TMEM232: variants seen among roughly 807,000 people sequenced by gnomAD.
The protein encoded by TMEM232 is transmembrane protein 232.
Under a neutral mutation model 78.8 loss-of-function variants are expected in TMEM232, and 80 were observed. The observed-to-expected ratio is 1.01, with a 90% confidence interval of 0.85 to 1.22. The LOEUF (loss-of-function observed/expected upper bound fraction) is 1.22. Ranked by LOEUF, TMEM232 falls within the 50% of genes most tolerant of loss-of-function variation. TMEM232 has a pLI of 0.00. For missense variants in TMEM232, 881 were observed against 742.2 expected, an observed-to-expected ratio of 1.19 and a Z score of -2.17; for synonymous variants, 297 against 254.3, an observed-to-expected ratio of 1.17 and a Z score of -1.60.
chr5:110,441,918 T>C (rs76329127), intron 12 of TMEM232, among the ~76,000 whole-genome samples: 5 of 152,180 alleles, frequency 3.3e-5, no homozygotes, highest in African/African-American at 1.2e-4. Context: ...GTTTTTTTTT[T>C]CCTTTAGCAC....
chr5:110,598,762 CA>C (rs1404142529), intron 10 of TMEM232, among the ~76,000 whole-genome samples: 2 of 146,510 alleles, frequency 1.4e-5, no homozygotes, highest in African/African-American at 5.1e-5. Context: ...ATCGCAAGGA[CA>C]AAAAACCAAA....
chr5:110,484,369 T>TA (rs1222027037), intron 12 of TMEM232, among the ~76,000 whole-genome samples: 2 of 151,416 alleles, frequency 1.3e-5, no homozygotes, highest in Non-Finnish European at 2.9e-5. Flanking sequence ...TTTAATGCAC[T>TA]AAAAAAATAC....
At chr5:110,496,397 C>T (rs1022127071) in intron 12 of TMEM232, among the ~76,000 whole-genome samples, 21 of 151,950 alleles carry the variant, frequency 1.4e-4, no homozygotes, top group Admixed American at 6.6e-4. Flanking sequence ...ATTAGAATAA[C>T]GTAATTTTCA....
intron 2 of TMEM232, among the ~76,000 whole-genome samples, chr5:110,652,530 G>A (rs1788480599): frequency 6.6e-6 from 1 of 152,000 alleles, no homozygotes; most frequent in Non-Finnish European, 1.5e-5. Flanking sequence ...TTTCAATATG[G>A]ATTATGGCTT....
chr5:110,569,738 C>T (rs78706991), intron 10 of TMEM232, among the ~76,000 whole-genome samples: 7,801 of 151,750 alleles, frequency 0.051, 447 homozygotes, highest in East Asian at 0.26. Context: ...ATAGCTAGTA[C>T]CGGAGGGGGT....
At chr5:110,469,699 A>G (rs922362059) in intron 12 of TMEM232, among the ~76,000 whole-genome samples, 1 of 152,172 alleles carries the variant, frequency 6.6e-6, no homozygotes, top group Non-Finnish European at 1.5e-5. Flanking sequence ...TTAGCCACCC[A>G]GAGCTGTCAA....
At chr5:110,504,501 T>C (rs920068978) in intron 12 of TMEM232, among the ~76,000 whole-genome samples, 8 of 152,140 alleles carry the variant, frequency 5.3e-5, no homozygotes, top group South Asian at 2.1e-4. Flanking sequence ...GAGAGAGGAA[T>C]TGACTCATGT....
chr5:110,692,195 C>T (rs534102949), intron 1 of TMEM232, among the ~76,000 whole-genome samples: 12 of 152,332 alleles, frequency 7.9e-5, no homozygotes, highest in African/African-American at 2.6e-4. Context: ...GCTGGCATTA[C>T]AGTTGTCAGC....
intron 11 of TMEM232, among the ~76,000 whole-genome samples, chr5:110,535,364 T>A (rs1772191988): frequency 6.6e-6 from 1 of 152,058 alleles, no homozygotes; most frequent in African/African-American, 2.4e-5. Context: ...ACCCCCCTTT[T>A]TCCTTTACCT....
intron 5 of TMEM232, among the ~76,000 whole-genome samples, chr5:110,631,615 C>T (rs1055907870): frequency 1.3e-5 from 2 of 152,150 alleles, no homozygotes; most frequent in Non-Finnish European, 2.9e-5. Context: ...TGGATAGTGA[C>T]CACACTCCCA....
At chr5:110,692,049 T>G (rs981056289) in intron 1 of TMEM232, among the ~76,000 whole-genome samples, 20 of 152,164 alleles carry the variant, frequency 1.3e-4, no homozygotes, top group African/African-American at 4.8e-4. Context: ...GCCTCCTGAG[T>G]AGCTGGGACT....
In TMEM232 at chr5:110,633,178, C is replaced by T. The variant is rs145666989; in HGVS notation, c.501+5020G>A. On this transcript the variant is annotated intron_variant, in intron 5 of 13. Coordinates refer to ENST00000455884, the MANE Select transcript of TMEM232 (RefSeq NM_001039763.4). ...AAGAAGAAATAAGGTCTTTTACAGA[C>T]AAGCAAATGGTAAGAACATTCATTA... is the stretch of plus-strand genomic sequence containing the variant. 8.9e-4 allele frequency among the ~76,000 whole-genome samples: 136 copies of T among 152,114 alleles called. 5 individuals carry two copies. In the East Asian group the frequency reaches 0.025, roughly 28 times the overall value.
At chr5:110,708,840 G>A (rs538809622) in intron 1 of TMEM232, among the ~76,000 whole-genome samples, 11 of 151,538 alleles carry the variant, frequency 7.3e-5, no homozygotes, top group African/African-American at 2.2e-4. Context: ...ACAGAAGACC[G>A]CAAAACAAAT....
chr5:110,620,103 A>G (rs1439206618), intron 7 of TMEM232, among the ~76,000 whole-genome samples: 1 of 152,158 alleles, frequency 6.6e-6, no homozygotes, highest in Non-Finnish European at 1.5e-5. Flanking sequence ...AGCATTTGGT[A>G]AAGAAAAAAA....
chr5:110,659,926 T>G (rs2150097957), intron 2 of TMEM232, among the ~76,000 whole-genome samples: 1 of 152,108 alleles, frequency 6.6e-6, no homozygotes, highest in Middle Eastern at 3.4e-3. Context: ...GTAACAGATT[T>G]AATGAGATGA....
chr5:110,651,514 G>A (rs1476173517), intron 2 of TMEM232, among the ~76,000 whole-genome samples: 1 of 151,954 alleles, frequency 6.6e-6, no homozygotes, highest in East Asian at 1.9e-4. Context: ...AAGAGGTTAA[G>A]AGATCAAGGA....
intron 1 of TMEM232, among the ~76,000 whole-genome samples, chr5:110,679,634 T>A (rs1792465196): frequency 6.6e-6 from 1 of 152,206 alleles, no homozygotes; most frequent in Admixed American, 6.5e-5. Context: ...CATATAGATT[T>A]TTAACATATG....
At chr5:110,533,675 C>T (rs1051325172) in intron 11 of TMEM232, among the ~76,000 whole-genome samples, 1 of 151,434 alleles carries the variant, frequency 6.6e-6, no homozygotes, top group African/African-American at 2.4e-5. Flanking sequence ...GTTCCTGGCC[C>T]GGACTTCAAT....
chr5:110,541,678 A>G (rs115861272), intron 11 of TMEM232, among the ~76,000 whole-genome samples: 11 of 151,216 alleles, frequency 7.3e-5, no homozygotes, highest in Admixed American at 4.6e-4. Context: ...AACATAAAAA[A>G]CGTGGTTCAG....
Sources: allele counts gnomAD v4.1 joint callset (sites outside exome capture counted in the v4.1 genomes callset), GRCh38; gene constraint gnomAD v4.1.1; transcripts MANE v1.5; gene names NCBI Gene and HGNC (gene_info 2026-07-23, HGNC 2026-07-21).